Variants in PDE4D observed in about 807,000 individuals in gnomAD.
The protein encoded by PDE4D is phosphodiesterase 4D, also known as 3',5'-cyclic-AMP phosphodiesterase 4D.
Under a neutral mutation model 87.4 loss-of-function variants are expected in PDE4D, and 24 were observed. The observed-to-expected ratio is 0.27, with a 90% CI of 0.20 to 0.39. The LOEUF (loss-of-function observed/expected upper bound fraction) is 0.39, where lower values mean the gene tolerates loss of function less well. Ranked by LOEUF, PDE4D falls within the 10% of genes least tolerant of loss-of-function variation. The pLI, the probability that PDE4D is intolerant of heterozygous loss-of-function variation, is 1.00. For missense variants in PDE4D, 714 were observed against 1,041.0 expected (o/e 0.69, Z 4.32); for synonymous variants, 384 against 383.2 (o/e 1.00, Z -0.02).
chr5:59,244,430 AATAAT>A (rs1266268593), intron 1 of PDE4D, among the ~76,000 whole-genome samples: 2 of 140,094 alleles, frequency 1.4e-5, no homozygotes, highest in East Asian at 2.0e-4. Context: ...AAAATTTGGA[AATAAT>A]ATATGTATAC....
intron 5 of PDE4D, among the ~76,000 whole-genome samples, chr5:59,172,048 TATATATATATTATA>T (rs1782964250): frequency 3.4e-4 from 1 of 2,910 alleles, no homozygotes; most frequent in Non-Finnish European, 7.1e-4. Flanking sequence ...ATATATATAA[TATATATATATTATA>T]TATATAATAA....
chr5:59,472,570 A>T (rs1026819037), intron 1 of PDE4D, among the ~76,000 whole-genome samples: 5 of 152,176 alleles, frequency 3.3e-5, no homozygotes, highest in African/African-American at 7.2e-5. Context: ...TAACATTTCC[A>T]TTACCTTGAC....
At chr5:59,191,237 G>C (rs1326835488) in intron 3 of PDE4D, among the ~76,000 whole-genome samples, 5 of 151,844 alleles carry the variant, frequency 3.3e-5, no homozygotes, top group Admixed American at 3.3e-4. Context: ...TATCTAATCA[G>C]GTAAAAGACT....
At chr5:60,424,344 C>G (rs1743444080) in intron 1 of PDE4D, among the ~76,000 whole-genome samples, 1 of 152,272 alleles carries the variant, frequency 6.6e-6, no homozygotes, top group Admixed American at 6.5e-5. Context: ...ACAATCAAGT[C>G]AGCTTCATCC....
At chr5:59,106,714 C>T (rs1274491917) in intron 5 of PDE4D, among the ~76,000 whole-genome samples, 2 of 152,172 alleles carry the variant, frequency 1.3e-5, no homozygotes, top group Admixed American at 6.5e-5. Flanking sequence ...GAGCTGAGAT[C>T]GCGCCATTGC....
chr5:60,379,245 G>A (rs529316627), intron 1 of PDE4D, among the ~76,000 whole-genome samples: 3 of 151,036 alleles, frequency 2.0e-5, no homozygotes, highest in African/African-American at 7.3e-5. Flanking sequence ...TTGGCTATTT[G>A]CTGCATTGCC....
intron 3 of PDE4D, chr5:59,988,237 C>A (rs893583708): frequency 2.7e-6 from 1 of 376,952 alleles, no homozygotes; most frequent in Non-Finnish European, 4.8e-6. Context: ...AGTACAACTG[C>A]CCTTTGGCAA....
chr5:59,278,442 A>G lies in PDE4D; in HGVS notation c.456-62474T>C, dbSNP rs570366005. Among the ~76,000 whole-genome samples, 9 of 152,240 alleles carry G rather than the reference A, an allele frequency of 5.9e-5. No homozygotes were observed. In the South Asian group the frequency reaches 1.5e-3, roughly 25 times the overall value. ...GTATTTCCCTGTTGTACTGAATTGT[A>G]TAATGTATGGACCTTTTACTTTCTG... is the stretch of plus-strand genomic sequence containing the variant. On this transcript the variant is annotated intron_variant, in intron 1 of 14. Coordinates refer to ENST00000340635, the MANE Select transcript of PDE4D (RefSeq NM_001104631.2).
At chr5:59,601,482 T>A (rs1827501049) in intron 1 of PDE4D, among the ~76,000 whole-genome samples, 1 of 152,018 alleles carries the variant, frequency 6.6e-6, no homozygotes, top group African/African-American at 2.4e-5. Flanking sequence ...TAATCTTAAC[T>A]GTTCTGTAGC....
At chr5:59,965,412 T>C (rs547895981) in intron 3 of PDE4D, among the ~76,000 whole-genome samples, 1 of 152,282 alleles carries the variant, frequency 6.6e-6, no homozygotes, top group South Asian at 2.1e-4. Context: ...TCTTCCATGG[T>C]TACCCTAAAA....
intron 2 of PDE4D, among the ~76,000 whole-genome samples, chr5:60,036,995 T>C (rs2152864307): frequency 6.6e-6 from 1 of 152,278 alleles, no homozygotes; most frequent in South Asian, 2.1e-4. Flanking sequence ...AAACGCTACC[T>C]CCATGCAAGG....
At chr5:60,283,086 C>T (rs1228597624) in intron 1 of PDE4D, among the ~76,000 whole-genome samples, 2 of 151,960 alleles carry the variant, frequency 1.3e-5, no homozygotes, top group Non-Finnish European at 2.9e-5. Flanking sequence ...CTTACTCTAC[C>T]AATTACTGAG....
At chr5:59,307,587 G>GC (rs1306700106) in intron 1 of PDE4D, among the ~76,000 whole-genome samples, 2 of 151,990 alleles carry the variant, frequency 1.3e-5, no homozygotes, top group African/African-American at 4.8e-5. Flanking sequence ...AGACATTTAT[G>GC]CAGCCAAAAA....
intron 1 of PDE4D, among the ~76,000 whole-genome samples, chr5:59,726,702 TA>T (rs1756644923): frequency 6.6e-6 from 1 of 152,162 alleles, no homozygotes; most frequent in Non-Finnish European, 1.5e-5. Context: ...GTTTTAGTTA[TA>T]AATTTAATAT....
chr5:59,001,933 A>C (rs1750618213), intron 6 of PDE4D: 16 of 383,684 alleles, frequency 4.2e-5, no homozygotes, highest in South Asian at 3.0e-4. Context: ...TGTTTAATAT[A>C]AACCATCTAG....
At chr5:60,251,412 A>G (rs1748446906) in intron 1 of PDE4D, among the ~76,000 whole-genome samples, 2 of 151,844 alleles carry the variant, frequency 1.3e-5, no homozygotes, top group Non-Finnish European at 2.9e-5. Flanking sequence ...CTATGAGTCC[A>G]TGTGTTCTCA....
At chr5:59,698,655 T>A (rs916913779) in intron 1 of PDE4D, among the ~76,000 whole-genome samples, 12 of 152,124 alleles carry the variant, frequency 7.9e-5, no homozygotes, top group African/African-American at 2.7e-4. Flanking sequence ...AGCAAGAACA[T>A]GAAGAAATGG....
chr5:59,279,789 ATGTATGTATG>A (rs779695652), intron 1 of PDE4D, among the ~76,000 whole-genome samples: 5 of 150,048 alleles, frequency 3.3e-5, no homozygotes, highest in Admixed American at 1.3e-4. Context: ...GTATGTGTGC[ATGTATGTATG>A]TGTATGTGTG....
At chr5:59,672,993 A>G (rs753559889) in intron 1 of PDE4D, among the ~76,000 whole-genome samples, 6 of 152,198 alleles carry the variant, frequency 3.9e-5, no homozygotes, top group African/African-American at 7.2e-5. Flanking sequence ...CAATGAAAAG[A>G]TATCCTTTGA....
Sources: allele counts gnomAD v4.1 joint callset (sites outside exome capture counted in the v4.1 genomes callset), GRCh38; gene constraint gnomAD v4.1.1; transcripts MANE v1.5; gene names NCBI Gene and HGNC (gene_info 2026-07-23, HGNC 2026-07-21).